HDAC9: variants seen among roughly 807,000 people sequenced by gnomAD.
HDAC9 encodes histone deacetylase 9.
A neutral mutation model predicts 139.4 loss-of-function variants in HDAC9; 41 were observed. The ratio of observed to expected loss-of-function variants is 0.29; its 90% confidence interval spans 0.23 to 0.38. The LOEUF (loss-of-function observed/expected upper bound fraction) is 0.38. Ranked by LOEUF, HDAC9 falls within the 10% of genes least tolerant of loss-of-function variation. The pLI, the probability that HDAC9 is intolerant of heterozygous loss-of-function variation, is 1.00. For missense variants in HDAC9, 1,147 were observed against 1,297.0 expected (o/e 0.88, Z 1.78); for synonymous variants, 517 against 476.2 (o/e 1.09, Z -1.12).
intron 2 of HDAC9, among the ~76,000 whole-genome samples, chr7:18,214,793 C>T (rs1439866158): frequency 6.6e-6 from 1 of 152,014 alleles, no homozygotes; most frequent in African/African-American, 2.4e-5. Flanking sequence ...CAAATTCTGT[C>T]ATAGGTAGCA....
intron 1 of HDAC9, among the ~76,000 whole-genome samples, chr7:18,139,854 G>A (rs746631699): frequency 6.6e-6 from 1 of 152,150 alleles, no homozygotes; most frequent in African/African-American, 2.4e-5. Flanking sequence ...GCAGCCTCCG[G>A]AAGTTAGAGT....
Position 18,996,936 on chromosome 7 carries a change from CA to C in HDAC9, c.*877del, listed in dbSNP as rs1350509346. ...TGTCTTTGAAAAGCACGTAACTTTTCAAAGGTGGTCTTAATTTGTTGCATAT... is the reference window on the plus strand; with the variant it reads ...TGTCTTTGAAAAGCACGTAACTTTTCAAGGTGGTCTTAATTTGTTGCATAT... On this transcript the variant is annotated 3_prime_UTR_variant, in exon 26 of 26. Coordinates refer to ENST00000686413, the MANE Select transcript of HDAC9 (RefSeq NM_178425.4). The C allele has an allele frequency of 6.6e-6, 1 of 152,162 alleles. No individual in the cohort carries two copies. The highest frequency in any genetic ancestry group is 2.4e-5 in the African/African-American group (1 of 41,430). The allele number at this position is 152,162 out of a possible 1,614,324, so 9.4% of individuals were successfully genotyped here.
chr7:18,710,560 G>C (rs1012860494), intron 12 of HDAC9, among the ~76,000 whole-genome samples: 7 of 151,760 alleles, frequency 4.6e-5, no homozygotes, highest in Non-Finnish European at 8.8e-5. Flanking sequence ...AAAATTTCAC[G>C]CATAATCAAA....
intron 6 of HDAC9, among the ~76,000 whole-genome samples, chr7:18,619,405 G>A (rs1839600455): frequency 6.6e-6 from 1 of 152,112 alleles, no homozygotes; most frequent in Non-Finnish European, 1.5e-5. Flanking sequence ...GAGACCCATC[G>A]AGCCTATGTT....
At chr7:18,574,427 G>A (rs1339503618) in intron 2 of HDAC9, among the ~76,000 whole-genome samples, 1 of 152,218 alleles carries the variant, frequency 6.6e-6, no homozygotes, top group Non-Finnish European at 1.5e-5. Flanking sequence ...ATTGGTCCAT[G>A]GACGGCCATG....
rs111259278 is a variant in HDAC9, at chr7:18,571,907, A to G, written c.23-13374A>G. Among the ~76,000 whole-genome samples the G allele has an allele frequency of 3.3e-3, 502 of 152,006 alleles. 4 individuals are homozygous for G. Among genetic ancestry groups the G allele is most frequent in the African/African-American group, 0.011 (469 of 41,484 alleles). On this transcript the variant is annotated intron_variant, in intron 2 of 25. Coordinates refer to ENST00000686413, the MANE Select transcript of HDAC9 (RefSeq NM_178425.4). ...CATTGAGGCTTTCAGAAAATATTCA[A>G]CTGTTTTGTGCTGGCTAAAGGTAAT...
At chr7:18,408,282 ATACATAAT>A (rs1562959436) in intron 1 of HDAC9, among the ~76,000 whole-genome samples, 1 of 152,220 alleles carries the variant, frequency 6.6e-6, no homozygotes, top group Non-Finnish European at 1.5e-5. Flanking sequence ...TGTTTCTACA[ATACATAAT>A]TCTTGAGTTA....
chr7:18,213,424 A>G (rs1047095148), intron 2 of HDAC9, among the ~76,000 whole-genome samples: 1 of 152,178 alleles, frequency 6.6e-6, no homozygotes, highest in Non-Finnish European at 1.5e-5. Flanking sequence ...TCTAATTACT[A>G]TAAACTCTGA....
intron 1 of HDAC9, 36 bp from the exon 2 acceptor site, chr7:18,496,214 GGAATATGCTGCA>G: frequency 3.8e-6 from 6 of 1,586,442 alleles, no homozygotes; most frequent in Non-Finnish European, 5.2e-6. Flanking sequence ...AAGAGTGACT[GGAATATGCTGCA>G]GACAATTTAC....
chr7:18,093,160 A>G (rs1372176512), intron 1 of HDAC9, among the ~76,000 whole-genome samples: 1 of 152,142 alleles, frequency 6.6e-6, no homozygotes, highest in East Asian at 1.9e-4. Flanking sequence ...TTGTATCTCA[A>G]ACTCTGGCAG....
intron 2 of HDAC9, among the ~76,000 whole-genome samples, chr7:18,176,833 G>C (rs1788945515): frequency 6.6e-6 from 1 of 152,002 alleles, no homozygotes; most frequent in African/African-American, 2.4e-5. Flanking sequence ...AAGAAGAGTT[G>C]GATGTATCTT....
At chr7:18,547,861 C>CCTTCCTTCCTTCCTTCCT (rs1563230225) in intron 2 of HDAC9, among the ~76,000 whole-genome samples, 8 of 21,010 alleles carry the variant, frequency 3.8e-4, no homozygotes, top group African/African-American at 8.5e-4. Flanking sequence ...CCTTCCTACC[C>CCTTCCTTCCTTCCTTCCT]TCCCTCCCTC....
intron 1 of HDAC9, among the ~76,000 whole-genome samples, chr7:18,457,424 A>T (rs1309549440): frequency 6.6e-6 from 1 of 152,234 alleles, no homozygotes; most frequent in African/African-American, 2.4e-5. Flanking sequence ...AATAAAATTC[A>T]TGAGATATTA....
At chr7:18,514,765 C>A (rs1042906095) in intron 2 of HDAC9, among the ~76,000 whole-genome samples, 1 of 151,962 alleles carries the variant, frequency 6.6e-6, no homozygotes, top group Non-Finnish European at 1.5e-5. Flanking sequence ...CATAGTGAGA[C>A]CCTGTCTCTA....
At chr7:18,975,700 G>C in intron 24 of HDAC9, 106 bp from the exon 25 acceptor site, 1 of 1,038,846 alleles carries the variant, frequency 9.6e-7, no homozygotes, top group Middle Eastern at 2.1e-4. Context: ...TGTATAACAT[G>C]GGGAATTTTA....
intron 2 of HDAC9, among the ~76,000 whole-genome samples, chr7:18,526,177 T>G (rs1316269400): frequency 6.6e-6 from 1 of 152,226 alleles, no homozygotes; most frequent in Non-Finnish European, 1.5e-5. Context: ...GCTTTGTAAT[T>G]TATACTATTT....
At chr7:18,392,458 G>T (rs1786621768) in intron 1 of HDAC9, among the ~76,000 whole-genome samples, 1 of 151,824 alleles carries the variant, frequency 6.6e-6, no homozygotes, top group Non-Finnish European at 1.5e-5. Context: ...TTCTTAATGG[G>T]TGATGCTAAT....
At chr7:18,879,884 A>G (rs772241706) in intron 22 of HDAC9, among the ~76,000 whole-genome samples, 19 of 152,296 alleles carry the variant, frequency 1.2e-4, no homozygotes, top group Admixed American at 2.0e-4. Flanking sequence ...AGCCTACAGC[A>G]TGGGAGTAAA....
At chr7:18,663,630 G>A (rs1008159175) in intron 11 of HDAC9, among the ~76,000 whole-genome samples, 1 of 152,064 alleles carries the variant, frequency 6.6e-6, no homozygotes, top group Non-Finnish European at 1.5e-5. Flanking sequence ...ACCTCTCCGG[G>A]TATCTACTTG....
Sources: gnomAD v4.1 joint callset for allele counts (sites outside exome capture counted in the v4.1 genomes callset) on GRCh38, gnomAD v4.1.1 for gene constraint, MANE v1.5 for transcripts, NCBI Gene and HGNC (gene_info 2026-07-23, HGNC 2026-07-21) for gene names.